The following EEA1 variants were observed in gnomAD, a reference collection of about 807,000 sequenced individuals.
EEA1 encodes early endosome antigen 1, 162kD.
Under a neutral mutation model 209.2 loss-of-function variants are expected in EEA1, and 111 were observed. That is an observed-to-expected ratio of 0.53 (90% CI 0.45 to 0.62). The LOEUF is 0.62. Ranked by LOEUF, EEA1 falls within the 20% of genes least tolerant of loss-of-function variation. EEA1 has a pLI of 0.00. For synonymous variants in EEA1, 536 were observed against 540.6 expected (o/e 0.99, Z 0.12); for missense variants, 1,343 against 1,530.8 (o/e 0.88, Z 2.05).
intron 10 of EEA1, among the ~76,000 whole-genome samples, chr12:92,840,734 G>C (rs1309472050): frequency 6.6e-6 from 1 of 152,232 alleles, no homozygotes; most frequent in Non-Finnish European, 1.5e-5. Flanking sequence ...TCAAAACAGT[G>C]TGGTACTAGC....
Position 92,832,829 on chromosome 12 carries a change from T to A in EEA1, c.937A>T (p.Lys313Ter). The change falls in exon 11 of 29, where the codon AAA (lysine) becomes TAA (stop). Residue 313 changes from lysine (K) to a stop codon, truncating the protein, a stop_gained. Coordinates refer to ENST00000322349, the MANE Select transcript of EEA1 (RefSeq NM_003566.4). LOFTEE classifies it high-confidence loss of function. Reference protein sequence around the residue: ...KNQTLTENLLKKEQDYTKLEE... With the variant: ...KNQTLTENLL ...AACTTAGTATAGTCTTGTTCTTTTTTCAGCAAGTTTTCTGTCAAGGTCTAA... is the reference window on the plus strand; with the variant it reads ...AACTTAGTATAGTCTTGTTCTTTTTACAGCAAGTTTTCTGTCAAGGTCTAA... 1 of 1,603,276 alleles carries A rather than the reference T, an allele frequency of 6.2e-7. No individual in the cohort carries two copies. Among genetic ancestry groups the A allele is most frequent in the Non-Finnish European group, 8.5e-7 (1 of 1,176,708 alleles).
chr12:92,792,736 ATTC>A (rs1312035989), intron 21 of EEA1, among the ~76,000 whole-genome samples: 2 of 152,230 alleles, frequency 1.3e-5, no homozygotes, highest in African/African-American at 4.8e-5. Context: ...TTTTGAAACT[ATTC>A]CAATCAACAG....
intron 2 of EEA1, among the ~76,000 whole-genome samples, chr12:92,870,487 T>C (rs1878595642): frequency 1.3e-5 from 2 of 152,220 alleles, no homozygotes; most frequent in East Asian, 3.9e-4. Context: ...TACTGGGAAA[T>C]ACTGAGAAAT....
chr12:92,812,759 C>G (rs563872858), intron 16 of EEA1, among the ~76,000 whole-genome samples: 1 of 152,304 alleles, frequency 6.6e-6, no homozygotes, highest in South Asian at 2.1e-4. Context: ...CCAACCACAC[C>G]TGCACACTAG....
intron 16 of EEA1, 122 bp from the exon 17 acceptor site, chr12:92,811,556 G>T: frequency 5.0e-6 from 3 of 594,308 alleles, no homozygotes; most frequent in Non-Finnish European, 5.0e-6. Context: ...TAAGAGCTCA[G>T]ATAAATCTAA....
At chr12:92,793,516 GAACTCCCATTCAC>G (rs2136659953) in intron 21 of EEA1, among the ~76,000 whole-genome samples, 1 of 152,220 alleles carries the variant, frequency 6.6e-6, no homozygotes, top group South Asian at 2.1e-4. Context: ...AATCATGAGT[GAACTCCCATTCAC>G]AATTGCTACA....
Position 92,811,411 on chromosome 12 carries a change from C to A in EEA1, c.2067G>T (p.Gln689His). 6.3e-7 allele frequency: 1 copy of A among 1,584,412 alleles called. No individual in the cohort carries two copies. The highest frequency in any genetic ancestry group is 8.6e-7 in the Non-Finnish European group (1 of 1,168,016). Residue 689 changes from glutamine (Q) to histidine (H), a missense_variant, in exon 17 of 29, where the codon CAG becomes CAT. Physicochemically the swap from Gln to His is conservative, Grantham distance 24. Around this residue, in one of 3 missense-constraint regions of EEA1, gnomAD observed 1,307 missense variants for 1,465.5 expected, o/e 0.89. Coordinates refer to ENST00000322349, the MANE Select transcript of EEA1 (RefSeq NM_003566.4). ...GTAACTTTGCAGTGACCTGATCCAA[C>A]TGAGTAGTAATCTTATTTAACTCCT... is the stretch of plus-strand genomic sequence containing the variant. ...KQQELNKITT[Q>H]LDQVTAKLQD...
At chr12:92,922,436 A>C (rs191243867) in intron 1 of EEA1, among the ~76,000 whole-genome samples, 1 of 152,306 alleles carries the variant, frequency 6.6e-6, no homozygotes, top group African/African-American at 2.4e-5. Context: ...GAGGTCCAGA[A>C]ATTCTGATTC....
chr12:92,928,815 C>T (rs1881309992), intron 1 of EEA1, among the ~76,000 whole-genome samples: 2 of 151,270 alleles, frequency 1.3e-5, no homozygotes, highest in South Asian at 4.2e-4. Context: ...CCGGAGCGGG[C>T]GCCAGGCCTG....
chr12:92,899,430 C>T (rs1206568228), intron 1 of EEA1, among the ~76,000 whole-genome samples: 3 of 152,230 alleles, frequency 2.0e-5, no homozygotes, highest in African/African-American at 4.8e-5. Context: ...TGGTCGCTGA[C>T]CCTTCTTCTG....
intron 15 of EEA1, among the ~76,000 whole-genome samples, chr12:92,813,983 A>C (rs754488071): frequency 3.3e-5 from 5 of 152,160 alleles, no homozygotes; most frequent in African/African-American, 4.8e-5. Flanking sequence ...ACTGCACTCC[A>C]GCCTGGCGAC....
At chr12:92,909,041 G>A (rs896034006) in intron 1 of EEA1, among the ~76,000 whole-genome samples, 2 of 152,158 alleles carry the variant, frequency 1.3e-5, no homozygotes, top group Non-Finnish European at 2.9e-5. Flanking sequence ...TTGAACTCCT[G>A]ACTTGTGATC....
chr12:92,811,243 G>C (rs574689165), intron 17 of EEA1, 36 bp downstream of exon 17: 2 of 1,353,570 alleles, frequency 1.5e-6, no homozygotes, highest in Non-Finnish European at 1.9e-6. Flanking sequence ...TACTGAAGTA[G>C]AAAATATGAC....
At chr12:92,859,259 A>G in intron 3 of EEA1, 1 of 1,606,732 alleles carries the variant, frequency 6.2e-7, no homozygotes, top group Non-Finnish European at 8.5e-7. Context: ...GAAGTGCCCA[A>G]AAAGCTTAAA....
intron 11 of EEA1, among the ~76,000 whole-genome samples, chr12:92,828,382 C>T (rs555086016): frequency 2.6e-5 from 4 of 152,056 alleles, no homozygotes; most frequent in East Asian, 3.9e-4. Flanking sequence ...GAATAAAATA[C>T]AACTTAAAAA....
At chr12:92,846,173 G>A (rs1452013505) in intron 9 of EEA1, among the ~76,000 whole-genome samples, 2 of 152,116 alleles carry the variant, frequency 1.3e-5, no homozygotes, top group Non-Finnish European at 2.9e-5. Flanking sequence ...CTCTAAGATT[G>A]CCTTAAAACA....
chr12:92,828,090 A>T (rs762529484), intron 11 of EEA1, 29 bp from the exon 12 acceptor site: 12 of 1,514,530 alleles, frequency 7.9e-6, no homozygotes, highest in Non-Finnish European at 1.1e-5. Context: ...AAATGTATGT[A>T]CATATGTACA....
chr12:92,789,666 C>T (rs550851602), intron 21 of EEA1, among the ~76,000 whole-genome samples: 3 of 152,342 alleles, frequency 2.0e-5, no homozygotes, highest in Admixed American at 1.3e-4. Context: ...GCCCTACTGC[C>T]TCTAGACTCC....
chr12:92,902,131 C>G (rs1049637799), intron 1 of EEA1, among the ~76,000 whole-genome samples: 9 of 152,172 alleles, frequency 5.9e-5, no homozygotes, highest in Non-Finnish European at 1.0e-4. Flanking sequence ...GAAGTCAACG[C>G]TGCAGTGAAC....
Sources: allele counts gnomAD v4.1 joint callset (sites outside exome capture counted in the v4.1 genomes callset), GRCh38; gene constraint gnomAD v4.1.1; regional missense constraint gnomAD v4.1.1; transcripts MANE v1.5; gene names NCBI Gene and HGNC (gene_info 2026-07-23, HGNC 2026-07-21).